Variants in HAUS5 observed in about 807,000 individuals in gnomAD.
HAUS5 encodes the protein HAUS augmin-like complex subunit 5.
A neutral mutation model predicts 94.1 loss-of-function variants in HAUS5; 67 were observed. That is an observed-to-expected ratio of 0.71 (90% CI 0.58 to 0.87). HAUS5 has a LOEUF of 0.87. Among genes scored for constraint, HAUS5 ranks in the 40% least tolerant of loss-of-function variants. The pLI, the probability that HAUS5 is intolerant of heterozygous loss-of-function variation, is 0.00. For synonymous variants in HAUS5, 339 were observed against 355.4 expected (o/e 0.95, Z 0.52); for missense variants, 739 against 825.6 (o/e 0.90, Z 1.29).
intron 17 of HAUS5, among the ~76,000 whole-genome samples, chr19:35,620,967 G>A (rs1176536729): frequency 6.6e-6 from 1 of 152,206 alleles, no homozygotes; most frequent in East Asian, 1.9e-4. Context: ...GGAAACTGAA[G>A]GTTAGAGAAG....
chr19:35,619,075 T>TG (rs1328986033), intron 13 of HAUS5, 26 bp downstream of exon 13: 3 of 1,545,398 alleles, frequency 1.9e-6, no homozygotes, highest in Non-Finnish European at 2.6e-6. Context: ...CAGGGCCTTG[T>TG]GGAGGGCCAG....
In HAUS5 at chr19:35,618,621, A is replaced by C. The variant is rs760224974; in HGVS notation, c.938A>C (p.Lys313Thr). 1.9e-6 allele frequency: 3 copies of C among 1,608,006 alleles called. No individual in the cohort carries two copies. In the Admixed American group the frequency reaches 5.0e-5, roughly 27 times the overall value. Reference protein sequence around the residue: ...VLVSQRSTLLKERQVLTQRLQ... With the variant: ...VLVSQRSTLLTERQVLTQRLQ... Reference sequence around the variant, plus strand: ...GTCTCCCAGCGGAGCACCCTCCTGAAGGAGCGGCAAGTCTTGACCCAGCGC... The same window carrying C: ...GTCTCCCAGCGGAGCACCCTCCTGACGGAGCGGCAAGTCTTGACCCAGCGC... The change falls in exon 12 of 19, where the codon AAG becomes ACG. Residue 313 changes from lysine (K) to threonine (T), a missense_variant. Transcript: ENST00000203166.
At chr19:35,614,895 G>A (rs2071927381) in intron 4 of HAUS5, 147 bp from the exon 5 acceptor site, 2 of 611,760 alleles carry the variant, frequency 3.3e-6, no homozygotes, top group African/African-American at 3.7e-5. Context: ...AAGGAGGGAG[G>A]GAGCCAATAC....
intron 15 of HAUS5, 110 bp from the exon 16 acceptor site, chr19:35,619,902 T>G: frequency 6.5e-7 from 1 of 1,530,018 alleles, no homozygotes; most frequent in Non-Finnish European, 8.8e-7. Context: ...AGCCCTGGTC[T>G]TGGCATCCTA....
At chr19:35,622,794 G>C in intron 18 of HAUS5, 61 bp downstream of exon 18, 2 of 1,611,154 alleles carry the variant, frequency 1.2e-6, no homozygotes, top group Non-Finnish European at 1.7e-6. Context: ...CTGGGGGCCT[G>C]ATGAGAAGGA....
rs1359032957 is a variant in HAUS5 at position 35,618,590 on chromosome 19, G to C, written c.907G>C (p.Val303Leu). The part of the protein sequence containing the change: ...LIQEGWRTVG[V>L]LVSQRSTLLK... ...GCAGGAGGGCTGGCGGACTGTGGGTGTGCTGGTCTCCCAGCGGAGCACCCT... is the reference window on the plus strand; with the variant it reads ...GCAGGAGGGCTGGCGGACTGTGGGTCTGCTGGTCTCCCAGCGGAGCACCCT... The change falls in exon 12 of 19, where the codon GTG becomes CTG. Residue 303 changes from valine (V) to leucine (L), a missense_variant. By Grantham distance (32) the Val-to-Leu change is conservative. Transcript: ENST00000203166. 3.7e-6 allele frequency: 6 copies of C among 1,605,422 alleles called. No homozygotes were observed. Among genetic ancestry groups the C allele is most frequent in the Non-Finnish European group, 5.1e-6 (6 of 1,173,710 alleles).
intron 4 of HAUS5, among the ~76,000 whole-genome samples, chr19:35,614,549 A>G (rs1378044305): frequency 6.6e-6 from 1 of 152,120 alleles, no homozygotes; most frequent in Non-Finnish European, 1.5e-5. Context: ...GCACTACTGC[A>G]CTCCAGCCTG....
rs1967258325 is a variant in HAUS5 at position 35,623,805 on chromosome 19, TG to T, written c.*815del. ...GGAGACACAGAAATGTCCTAGCTGA[TG>T]GGAATGTGCTGTGTCAAGAGCAGCG... On this transcript the variant is annotated 3_prime_UTR_variant, in exon 19 of 19. Transcript: ENST00000203166. 6.6e-6 allele frequency: 1 copy of T among 152,174 alleles called. No homozygotes were observed. The highest frequency in any genetic ancestry group is 2.4e-5 in the African/African-American group (1 of 41,424). 9.4% of individuals were successfully genotyped at this position (152,174 alleles called of 1,614,324 possible). A position where few individuals can be genotyped will look rare whatever the true frequency, so the allele number is the denominator to read the frequency against.
In HAUS5 at chr19:35,619,415, G is replaced by A. The variant is rs1290549862; in HGVS notation, c.1180-9G>A. 1 of 1,575,178 alleles carries A rather than the reference G, an allele frequency of 6.3e-7. No homozygotes were observed. Among genetic ancestry groups the A allele is most frequent in the South Asian group, 1.2e-5 (1 of 84,680 alleles). On this transcript the variant is annotated splice_polypyrimidine_tract_variant and intron_variant, in intron 13 of 18. Transcript: ENST00000203166. The stretch of plus-strand genomic sequence containing the variant: ...GAGGAGTGGGTCTCAGGGTATCCTG[G>A]TTCCTCAGGAGGAGACCCAGGAACA...
intron 10 of HAUS5, 39 bp from the exon 11 acceptor site, chr19:35,618,363 C>T (rs372188303): frequency 4.2e-5 from 68 of 1,610,198 alleles, no homozygotes; most frequent in Non-Finnish European, 5.3e-5. Context: ...AAGGCAAGGC[C>T]GCAGCACGGC....
Position 35,623,026 on chromosome 19 carries a change from C to G in HAUS5, c.*33C>G. 7.3e-7 allele frequency: 1 copy of G among 1,373,252 alleles called. No homozygotes were observed. 85.1% of individuals were successfully genotyped at this position (1,373,252 alleles called of 1,614,324 possible). A position where few individuals can be genotyped will look rare whatever the true frequency, so the allele number is the denominator to read the frequency against. ...GTTCAAACGGAAGCCGAGAACTTGA[C>G]ACTGTTCACCCCAACACCTCACCTC... On this transcript the variant is annotated 3_prime_UTR_variant, in exon 19 of 19. Transcript: ENST00000203166.
At chr19:35,614,094 C>T (rs781678355) in intron 4 of HAUS5, 35 bp downstream of exon 4, 47 of 1,595,568 alleles carry the variant, frequency 2.9e-5, no homozygotes, top group Admixed American at 6.7e-5. Context: ...CTCTTTCATC[C>T]GAAAAATGAC....
At position 35,625,171 on chromosome 19, in the gene HAUS5, T is replaced by A. The variant is rs918463265; in HGVS notation, c.*2178T>A. 1 of 152,238 alleles carries A rather than the reference T, an allele frequency of 6.6e-6. No individual in the cohort carries two copies. Among genetic ancestry groups the A allele is most frequent in the African/African-American group, 2.4e-5 (1 of 41,462 alleles). 9.4% of individuals were successfully genotyped at this position (152,238 alleles called of 1,614,324 possible). On this transcript the variant is annotated 3_prime_UTR_variant, in exon 19 of 19. Coordinates refer to ENST00000203166, the MANE Select transcript of HAUS5 (RefSeq NM_015302.2). ...AAATAGACCGTTTAAATTTTTGAGA[T>A]TCTACCTTATATTTTTTGAATTATA...
intron 6 of HAUS5, 83 bp from the exon 7 acceptor site, chr19:35,617,041 G>A (rs779983505): frequency 5.6e-5 from 64 of 1,141,024 alleles, no homozygotes; most frequent in Admixed American, 2.1e-4. Flanking sequence ...TCCTCTGACC[G>A]GCCTTGCTGG....
intron 17 of HAUS5, among the ~76,000 whole-genome samples, chr19:35,622,187 A>C (rs891105254): frequency 2.0e-5 from 3 of 151,976 alleles, no homozygotes; most frequent in African/African-American, 4.8e-5. Flanking sequence ...GAGAGCATCA[A>C]ATTTAGGCTT....
intron 17 of HAUS5, among the ~76,000 whole-genome samples, chr19:35,622,223 G>A (rs144790970): frequency 3.4e-4 from 51 of 152,122 alleles, no homozygotes; most frequent in African/African-American, 1.2e-3. Context: ...GGTGTAGTGC[G>A]GAGGGTGAAC....
At position 35,619,479 on chromosome 19, in the gene HAUS5, C is replaced by T; in HGVS notation, c.1235C>T (p.Thr412Ile). 6.2e-7 allele frequency: 1 copy of T among 1,609,376 alleles called. No homozygotes were observed. The highest frequency in any genetic ancestry group is 8.5e-7 in the Non-Finnish European group (1 of 1,177,532). Reference sequence around the variant, plus strand: ...ATCAAGGGAAACTCGGCCAGCAAGACCCGCCTGTGCCGGAGCCCGGGGGAG... The same window carrying T: ...ATCAAGGGAAACTCGGCCAGCAAGATCCGCCTGTGCCGGAGCCCGGGGGAG... Reference protein sequence around the residue: ...LLIKGNSASKTRLCRSPGEVL... With the variant: ...LLIKGNSASKIRLCRSPGEVL... The change falls in exon 14 of 19, where the codon ACC (threonine) becomes ATC (isoleucine). Residue 412 changes from threonine to isoleucine, a missense_variant. By Grantham distance (89) the Thr-to-Ile change is moderately conservative (BLOSUM62 -1). Coordinates refer to ENST00000203166, the MANE Select transcript of HAUS5 (RefSeq NM_015302.2).
chr19:35,618,923 G>C lies in HAUS5; in HGVS notation c.1053G>C (p.Leu351=), dbSNP rs769265375. ...TACTGGGGCTTCGGCGCTGTTGCCTGTGGACGGAGCTCAAGGCCCTGCACG... is the reference window on the plus strand; with the variant it reads ...TACTGGGGCTTCGGCGCTGTTGCCTCTGGACGGAGCTCAAGGCCCTGCACG... ...VLILGLRRCC[L]WTELKALHDQ... Residue 351 remains leucine (L), a synonymous_variant, in exon 13 of 19, where the codon CTG becomes CTC. Coordinates refer to ENST00000203166, the MANE Select transcript of HAUS5 (RefSeq NM_015302.2). 3.1e-6 allele frequency: 5 copies of C among 1,612,754 alleles called. No individual in the cohort carries two copies. In the South Asian group the frequency reaches 5.5e-5, roughly 18 times the overall value.
intron 17 of HAUS5, among the ~76,000 whole-genome samples, chr19:35,620,658 G>A (rs548059655): frequency 4.9e-4 from 74 of 152,292 alleles, no homozygotes; most frequent in African/African-American, 1.7e-3. Flanking sequence ...ATTCATCACC[G>A]TCACATAGTA....
Sources: gnomAD v4.1 joint callset for allele counts (sites outside exome capture counted in the v4.1 genomes callset) on GRCh38, gnomAD v4.1.1 for gene constraint, MANE v1.5 for transcripts, NCBI Gene and HGNC (gene_info 2026-07-23, HGNC 2026-07-21) for gene names.